Variants in NPAS3 observed in about 807,000 individuals in gnomAD.
NPAS3 encodes the protein neuronal PAS domain protein 3, also known as neuronal PAS domain-containing protein 3.
Under a neutral mutation model 73.1 loss-of-function variants are expected in NPAS3, and 14 were observed. That is an observed-to-expected ratio of 0.19 (90% CI 0.13 to 0.30). The LOEUF is 0.30. Ranked by LOEUF, NPAS3 falls within the 10% of genes least tolerant of loss-of-function variation. The pLI, the probability that NPAS3 is intolerant of heterozygous loss-of-function variation, is 1.00. For missense variants in NPAS3, 1,096 were observed against 1,250.0 expected (o/e 0.88, Z 1.86); for synonymous variants, 620 against 541.5 (o/e 1.14, Z -2.01).
intron 11 of NPAS3, among the ~76,000 whole-genome samples, chr14:33,799,424 A>G (rs1055906163): frequency 2.0e-5 from 3 of 152,216 alleles, no homozygotes; most frequent in Non-Finnish European, 4.4e-5. Flanking sequence ...GTCATATTCC[A>G]ACGCAGAATC....
At chr14:32,972,001 C>A (rs2037451120) in intron 1 of NPAS3, among the ~76,000 whole-genome samples, 1 of 143,484 alleles carries the variant, frequency 7.0e-6, no homozygotes. Context: ...TGCAGTGGCG[C>A]AATCTTGGCT....
chr14:33,606,655 G>T (rs369388291), intron 5 of NPAS3, among the ~76,000 whole-genome samples: 3 of 152,088 alleles, frequency 2.0e-5, no homozygotes, highest in Non-Finnish European at 4.4e-5. Flanking sequence ...AGAAGAAAAC[G>T]TGAGAAAACT....
intron 4 of NPAS3, among the ~76,000 whole-genome samples, chr14:33,544,515 G>A (rs8003466): frequency 0.23 from 35,429 of 150,960 alleles, 4,339 homozygotes; most frequent in East Asian, 0.3. Context: ...CAGAGAGAGC[G>A]CTCTCACTAT....
intron 2 of NPAS3, among the ~76,000 whole-genome samples, chr14:33,210,809 A>G (rs2047003207): frequency 6.6e-6 from 1 of 152,184 alleles, no homozygotes; most frequent in Non-Finnish European, 1.5e-5. Context: ...AAAAATTTAT[A>G]AATCTTTAAG....
At chr14:33,125,608 C>T (rs1187715697) in intron 2 of NPAS3, among the ~76,000 whole-genome samples, 1 of 151,886 alleles carries the variant, frequency 6.6e-6, no homozygotes, top group Non-Finnish European at 1.5e-5. Context: ...AAGAAGTTCC[C>T]GATGTGTTTT....
chr14:33,552,712 C>T (rs1056507537), intron 4 of NPAS3, among the ~76,000 whole-genome samples: 1 of 151,650 alleles, frequency 6.6e-6, no homozygotes, highest in Non-Finnish European at 1.5e-5. Context: ...ACCTGGTACC[C>T]GCGTGTGAGT....
chr14:33,627,624 T>C (rs2058258726), intron 5 of NPAS3, among the ~76,000 whole-genome samples: 1 of 152,210 alleles, frequency 6.6e-6, no homozygotes, highest in South Asian at 2.1e-4. Flanking sequence ...CTGAAGGTTT[T>C]TCACGCACAT....
intron 4 of NPAS3, among the ~76,000 whole-genome samples, chr14:33,446,533 TCTTTACTAGATAGTTGTATCTCATTC>T (rs1286408504): frequency 1.3e-5 from 2 of 152,242 alleles, no homozygotes; most frequent in Non-Finnish European, 2.9e-5. Flanking sequence ...TCTTTCATGT[TCTTTACTAGATAGTTGTATCTCATTC>T]CTCCCTCGGA....
At chr14:33,643,802 G>A (rs1262369416) in intron 5 of NPAS3, among the ~76,000 whole-genome samples, 1 of 152,262 alleles carries the variant, frequency 6.6e-6, no homozygotes, top group African/African-American at 2.4e-5. Flanking sequence ...TTTTCTCTCT[G>A]CTGTCTGTAG....
At chr14:33,199,259 G>A (rs2046516401) in intron 2 of NPAS3, among the ~76,000 whole-genome samples, 1 of 152,218 alleles carries the variant, frequency 6.6e-6, no homozygotes. Context: ...GAGGCACTGA[G>A]AGCAAGCGAG....
chr14:33,195,476 CCAGGTTGGT>C (rs2046319843), intron 2 of NPAS3, among the ~76,000 whole-genome samples: 1 of 152,070 alleles, frequency 6.6e-6, no homozygotes, highest in South Asian at 2.1e-4. Context: ...CACATGTTGG[CCAGGTTGGT>C]CTTGAACTCC....
chr14:33,593,301 G>A (rs2057132616), intron 5 of NPAS3, among the ~76,000 whole-genome samples: 1 of 152,184 alleles, frequency 6.6e-6, no homozygotes, highest in Non-Finnish European at 1.5e-5. Context: ...TTAAAGAGCA[G>A]TGATGTTGAG....
chr14:32,967,747 A>G (rs1595112193), intron 1 of NPAS3, among the ~76,000 whole-genome samples: 1 of 145,972 alleles, frequency 6.9e-6, no homozygotes, highest in Non-Finnish European at 1.5e-5. Flanking sequence ...TGGGAACAGT[A>G]CAGCCATTAT....
intron 1 of NPAS3, among the ~76,000 whole-genome samples, chr14:33,004,031 A>T (rs2038901840): frequency 6.6e-6 from 1 of 152,178 alleles, no homozygotes; most frequent in African/African-American, 2.4e-5. Context: ...AGTTAACCAC[A>T]GTTTTCTAAT....
At chr14:33,758,865 C>T (rs1284506780) in intron 7 of NPAS3, among the ~76,000 whole-genome samples, 1 of 152,162 alleles carries the variant, frequency 6.6e-6, no homozygotes, top group Non-Finnish European at 1.5e-5. Context: ...TCCTGGTAAC[C>T]CAGGCTTCCA....
intron 5 of NPAS3, among the ~76,000 whole-genome samples, chr14:33,596,638 G>A (rs2057251092): frequency 6.6e-6 from 1 of 152,178 alleles, no homozygotes; most frequent in African/African-American, 2.4e-5. Flanking sequence ...CTGTTCAATT[G>A]ACCTGTCAAC....
At chr14:33,191,419 A>G (rs911165525) in intron 2 of NPAS3, among the ~76,000 whole-genome samples, 1 of 152,204 alleles carries the variant, frequency 6.6e-6, no homozygotes, top group Non-Finnish European at 1.5e-5. Flanking sequence ...GCAACTAAAT[A>G]ATTATAATTA....
intron 6 of NPAS3, among the ~76,000 whole-genome samples, chr14:33,700,289 C>T (rs946568389): frequency 6.6e-6 from 1 of 152,200 alleles, no homozygotes; most frequent in Non-Finnish European, 1.5e-5. Flanking sequence ...ATAGATGCCA[C>T]GATGACAGGG....
chr14:33,799,993 G>A (rs1566556711), exon 12 of NPAS3: 1 of 1,613,226 alleles, frequency 6.2e-7, no homozygotes. Context: ...GCTACGTGGA[G>A]AGCGAGTCGG....
Sources: allele counts gnomAD v4.1 joint callset (sites outside exome capture counted in the v4.1 genomes callset), GRCh38; gene constraint gnomAD v4.1.1; transcripts MANE v1.5; gene names NCBI Gene and HGNC (gene_info 2026-07-23, HGNC 2026-07-21).